Variants in HOOK3 observed in about 807,000 individuals in gnomAD.
HOOK3 encodes the protein hook microtubule tethering protein 3.
A neutral mutation model predicts 116.3 loss-of-function variants in HOOK3; 24 were observed. The observed-to-expected ratio is 0.21, with a 90% confidence interval of 0.15 to 0.29. The LOEUF is 0.29. Ranked by LOEUF, HOOK3 falls within the 10% of genes least tolerant of loss-of-function variation. HOOK3 has a pLI of 1.00. For synonymous variants in HOOK3, 275 were observed against 283.0 expected, an observed-to-expected ratio of 0.97 and a Z score of 0.28; for missense variants, 632 against 830.2, an observed-to-expected ratio of 0.76 and a Z score of 2.93.
intron 2 of HOOK3, among the ~76,000 whole-genome samples, chr8:42,915,867 TA>T (rs1807523883): frequency 6.6e-6 from 1 of 152,250 alleles, no homozygotes; most frequent in Non-Finnish European, 1.5e-5. Flanking sequence ...GGTTCTTTAG[TA>T]AATCAGATTT....
chr8:42,942,722 T>C (rs1027609669), intron 4 of HOOK3, among the ~76,000 whole-genome samples: 7 of 152,248 alleles, frequency 4.6e-5, no homozygotes, highest in Admixed American at 4.6e-4. Flanking sequence ...AGTAAACCAC[T>C]ATCAAAAGCT....
chr8:42,951,092 C>G (rs1808336461), intron 6 of HOOK3, among the ~76,000 whole-genome samples: 1 of 151,712 alleles, frequency 6.6e-6, no homozygotes, highest in African/African-American at 2.4e-5. Context: ...TTTGTTTGAC[C>G]AAGTCTCACT....
rs1240319466 is a variant in HOOK3, at chr8:43,019,796, T to C, written c.*1298T>C. 1 of 205,014 alleles carries C rather than the reference T, an allele frequency of 4.9e-6. No homozygotes were observed. The allele number at this position is 205,014 out of a possible 1,614,324, so 12.7% of individuals were successfully genotyped here. On this transcript the variant is annotated 3_prime_UTR_variant, in exon 22 of 22. Coordinates refer to ENST00000307602, the MANE Select transcript of HOOK3 (RefSeq NM_032410.4). ...AACTTTCCATATTGACTTATGTATT[T>C]GGTCCCAAATTATATTTAAGTCTTT...
rs185126249 is a variant in HOOK3, at chr8:43,000,043, G to A, written c.1621-2064G>A. The stretch of plus-strand genomic sequence containing the variant: ...GGTACCTGTAGTCCCAGCTACTCGG[G>A]AAGCTGAGGCAGGGGAATGGCATGA... On this transcript the variant is annotated intron_variant, in intron 16 of 21. Coordinates refer to ENST00000307602, the MANE Select transcript of HOOK3 (RefSeq NM_032410.4). 3.7e-4 allele frequency among the ~76,000 whole-genome samples: 56 copies of A among 152,292 alleles called. No individual in the cohort carries two copies. The East Asian group carries it at 7.0e-3, about 19-fold the overall frequency.
At chr8:42,974,440 T>C (rs1019655327) in intron 13 of HOOK3, among the ~76,000 whole-genome samples, 2 of 152,138 alleles carry the variant, frequency 1.3e-5, no homozygotes, top group Admixed American at 1.3e-4. Flanking sequence ...GGTTTCACCA[T>C]GTTGGCCAGG....
chr8:42,918,975 C>T (rs1434315755), intron 2 of HOOK3, among the ~76,000 whole-genome samples: 14 of 152,310 alleles, frequency 9.2e-5, no homozygotes, highest in African/African-American at 3.4e-4. Flanking sequence ...AGGGGCTCCT[C>T]ACTTCCCAGA....
chr8:43,013,020 T>G (rs1391757119), intron 19 of HOOK3, 31 bp from the exon 20 acceptor site: 1 of 1,366,856 alleles, frequency 7.3e-7, no homozygotes, highest in Non-Finnish European at 1.0e-6. Context: ...GTTTGAGACT[T>G]TTTAAATTTT....
At chr8:42,917,624 A>G (rs1045139048) in intron 2 of HOOK3, among the ~76,000 whole-genome samples, 8 of 152,238 alleles carry the variant, frequency 5.3e-5, no homozygotes, top group Non-Finnish European at 8.8e-5. Flanking sequence ...ATTTTTTATT[A>G]TAACACAACC....
intron 2 of HOOK3, among the ~76,000 whole-genome samples, chr8:42,920,429 C>A (rs991965812): frequency 2.0e-5 from 3 of 152,190 alleles, no homozygotes; most frequent in African/African-American, 7.2e-5. Context: ...CTAAAGACTA[C>A]TATTCTTAGT....
chr8:43,009,591 G>A (rs578096246), intron 18 of HOOK3, among the ~76,000 whole-genome samples: 4 of 152,054 alleles, frequency 2.6e-5, no homozygotes, highest in Non-Finnish European at 5.9e-5. Context: ...TACTCCTGTA[G>A]GTAGCTTGAT....
In HOOK3 at chr8:43,010,408, A is replaced by T; in HGVS notation, c.1839+3A>T. On this transcript the variant is annotated splice_donor_region_variant and intron_variant, in intron 19 of 21. Transcript: ENST00000307602. ...AATACTTAGAGAAAGCCAAAAGTGTAAGTATGAATTTTGTAGGCATCTCAC... is the reference window on the plus strand; with the variant it reads ...AATACTTAGAGAAAGCCAAAAGTGTTAGTATGAATTTTGTAGGCATCTCAC... 7.7e-7 allele frequency: 1 copy of T among 1,302,800 alleles called. No homozygotes were observed. The highest frequency in any genetic ancestry group is 1.0e-6 in the Non-Finnish European group (1 of 955,924). 80.7% of individuals were successfully genotyped at this position (1,302,800 alleles called of 1,614,324 possible).
At chr8:42,908,899 C>G (rs566735558) in intron 2 of HOOK3, among the ~76,000 whole-genome samples, 1 of 152,252 alleles carries the variant, frequency 6.6e-6, no homozygotes, top group South Asian at 2.1e-4. Context: ...AAAATATTTG[C>G]AAGCCATACA....
In HOOK3 at chr8:43,013,277, T is replaced by C. The variant is rs550193956; in HGVS notation, c.1945-52T>C. The C allele has an allele frequency of 1.9e-4, 279 of 1,452,632 alleles. 4 individuals carry two copies. The South Asian group carries it at 3.3e-3, about 17-fold the overall frequency. The allele number at this position is 1,452,632 out of a possible 1,614,324, so 90.0% of individuals were successfully genotyped here. ...ATTAATTGTAAGTATTTTATTTATA[T>C]TGAGTTATTTTATATCTTTACATAT... On this transcript the variant is annotated intron_variant, in intron 20 of 21. Transcript: ENST00000307602.
chr8:42,981,647 G>C (rs1252350423), intron 13 of HOOK3, among the ~76,000 whole-genome samples: 1 of 152,044 alleles, frequency 6.6e-6, no homozygotes, highest in Non-Finnish European at 1.5e-5. Context: ...ACTTTGGGAG[G>C]CTGAGGCGGG....
chr8:43,001,226 G>A (rs574647541), intron 16 of HOOK3: 1 of 152,070 alleles, frequency 6.6e-6, no homozygotes, highest in South Asian at 2.1e-4. Context: ...ATTGAGGAAA[G>A]AAGTGAAATT....
chr8:42,917,598 G>T (rs968080637), intron 2 of HOOK3, among the ~76,000 whole-genome samples: 1 of 152,160 alleles, frequency 6.6e-6, no homozygotes, highest in Non-Finnish European at 1.5e-5. Flanking sequence ...GGAAATAAGG[G>T]ACAGAGACCA....
rs1809905918 is a variant in HOOK3 at position 43,024,997 on chromosome 8, A to G, written c.*6499A>G. The G allele has an allele frequency of 4.9e-6, 1 of 203,640 alleles. No homozygotes were observed. The highest frequency in any genetic ancestry group is 2.3e-5 in the African/African-American group (1 of 43,778). 12.6% of individuals were successfully genotyped at this position (203,640 alleles called of 1,614,324 possible). A position where few individuals can be genotyped will look rare whatever the true frequency, so the allele number is the denominator to read the frequency against. On this transcript the variant is annotated 3_prime_UTR_variant, in exon 22 of 22. Coordinates refer to ENST00000307602, the MANE Select transcript of HOOK3 (RefSeq NM_032410.4). ...TTTATCAAACCATTTCACATGTATT[A>G]TCTATATGACTATAGAAACTTATAA...
intron 2 of HOOK3, among the ~76,000 whole-genome samples, chr8:42,919,255 C>T (rs1486771811): frequency 2.7e-5 from 4 of 150,892 alleles, no homozygotes; most frequent in Non-Finnish European, 5.9e-5. Context: ...AGGGGCTCCT[C>T]ACTTCTCAGA....
intron 17 of HOOK3, among the ~76,000 whole-genome samples, chr8:43,004,127 G>A (rs552830179): frequency 2.3e-4 from 35 of 152,156 alleles, no homozygotes; most frequent in African/African-American, 8.4e-4. Context: ...CAGCACTTTG[G>A]GAGGCCAAGC....
Sources: allele counts gnomAD v4.1 joint callset (sites outside exome capture counted in the v4.1 genomes callset), GRCh38; gene constraint gnomAD v4.1.1; transcripts MANE v1.5; gene names NCBI Gene and HGNC (gene_info 2026-07-23, HGNC 2026-07-21).